DPP10: variants seen among roughly 807,000 people sequenced by gnomAD.
DPP10 encodes inactive dipeptidyl peptidase 10.
In DPP10, 33 loss-of-function variants were observed where a neutral mutation model predicts 120.9. That is an observed-to-expected ratio of 0.27 (90% CI 0.21 to 0.37). The LOEUF is 0.37. DPP10 is among the 10% of genes least tolerant of loss of function. The probability of loss-of-function intolerance (pLI) is 1.00; values close to 1 mark genes in which losing one functional copy is unlikely to be tolerated. For missense variants in DPP10, 816 were observed against 942.8 expected (o/e 0.87, Z 1.76); for synonymous variants, 337 against 326.1 (o/e 1.03, Z -0.36).
In DPP10 at chr2:115,725,734, G is replaced by A. The variant is rs13420772; in HGVS notation, c.577-2082G>A. Among the ~76,000 whole-genome samples the A allele has an allele frequency of 1.9e-3, 284 of 152,198 alleles. 1 individual carries two copies. Among genetic ancestry groups the A allele is most frequent in the African/African-American group, 6.2e-3 (257 of 41,538 alleles). On this transcript the variant is annotated intron_variant, in intron 7 of 25. Transcript: ENST00000410059. ...AGAGCAATATGTGCTGAGTAGTCCCGGTGTGCATGATCTGTGCTGTTATGA... is the reference window on the plus strand; with the variant it reads ...AGAGCAATATGTGCTGAGTAGTCCCAGTGTGCATGATCTGTGCTGTTATGA...
At chr2:114,914,689 C>A (rs1170790617) in intron 1 of DPP10, among the ~76,000 whole-genome samples, 1 of 152,166 alleles carries the variant, frequency 6.6e-6, no homozygotes, top group Non-Finnish European at 1.5e-5. Context: ...GGATCAAATC[C>A]TCACATATCA....
intron 1 of DPP10, among the ~76,000 whole-genome samples, chr2:115,049,499 A>G (rs1705310949): frequency 6.6e-6 from 1 of 152,182 alleles, no homozygotes; most frequent in African/African-American, 2.4e-5. Flanking sequence ...ATAACAATAT[A>G]GTTATGGGAA....
intron 1 of DPP10, among the ~76,000 whole-genome samples, chr2:114,764,261 C>A (rs1161352386): frequency 2.7e-5 from 4 of 145,562 alleles, no homozygotes; most frequent in Non-Finnish European, 6.0e-5. Context: ...CATTTCCTTG[C>A]AACTGCTGGC....
intron 5 of DPP10, among the ~76,000 whole-genome samples, chr2:115,648,052 T>C (rs2087427905): frequency 6.6e-6 from 1 of 152,126 alleles, no homozygotes; most frequent in African/African-American, 2.4e-5. Flanking sequence ...TTAGTTTGCA[T>C]GTCTGAGAGA....
intron 1 of DPP10, among the ~76,000 whole-genome samples, chr2:115,274,571 G>A (rs959507258): frequency 2.6e-5 from 4 of 152,148 alleles, no homozygotes; most frequent in Non-Finnish European, 4.4e-5. Context: ...CACAGCGGAG[G>A]CTTTGATTAA....
At chr2:115,112,846 C>G (rs900906294) in intron 1 of DPP10, among the ~76,000 whole-genome samples, 1 of 152,158 alleles carries the variant, frequency 6.6e-6, no homozygotes, top group Non-Finnish European at 1.5e-5. Flanking sequence ...TTTATGAATA[C>G]AAGTGCTTGC....
chr2:115,196,724 G>A (rs2055301277), intron 1 of DPP10, among the ~76,000 whole-genome samples: 1 of 152,120 alleles, frequency 6.6e-6, no homozygotes, highest in Admixed American at 6.5e-5. Flanking sequence ...TTCTTTTGGA[G>A]ATTGTTAAGG....
intron 1 of DPP10, among the ~76,000 whole-genome samples, chr2:114,869,052 A>C (rs1298985308): frequency 1.1e-4 from 16 of 152,176 alleles, no homozygotes; most frequent in Non-Finnish European, 1.5e-5. Context: ...GAAAGTTGCT[A>C]TTTATTGGAT....
intron 5 of DPP10, among the ~76,000 whole-genome samples, chr2:115,528,035 C>T (rs2078236897): frequency 6.6e-6 from 1 of 152,072 alleles, no homozygotes; most frequent in African/African-American, 2.4e-5. Context: ...CATATGTGTG[C>T]ATGTGTCTTT....
intron 1 of DPP10, among the ~76,000 whole-genome samples, chr2:114,661,673 C>T (rs1255154203): frequency 6.6e-6 from 1 of 152,130 alleles, no homozygotes; most frequent in East Asian, 1.9e-4. Flanking sequence ...TATTCTGCTG[C>T]CCCAATCTTT....
chr2:114,805,359 C>T (rs943374621), intron 1 of DPP10, among the ~76,000 whole-genome samples: 1 of 152,166 alleles, frequency 6.6e-6, no homozygotes, highest in African/African-American at 2.4e-5. Flanking sequence ...TTTGGACACA[C>T]GAGTGCTCTT....
At chr2:115,839,740 G>A (rs537344311) in intron 24 of DPP10, among the ~76,000 whole-genome samples, 1 of 151,346 alleles carries the variant, frequency 6.6e-6, no homozygotes, top group South Asian at 2.1e-4. Context: ...CAAACTACAG[G>A]AATGAACACC....
At chr2:114,556,279 T>C (rs1688309931) in intron 1 of DPP10, among the ~76,000 whole-genome samples, 1 of 106,822 alleles carries the variant, frequency 9.4e-6, no homozygotes, top group Admixed American at 1.1e-4. Context: ...AGGCAAATAA[T>C]AGATGATAGA....
At chr2:114,646,748 G>T (rs1696168733) in intron 1 of DPP10, among the ~76,000 whole-genome samples, 1 of 152,142 alleles carries the variant, frequency 6.6e-6, no homozygotes, top group African/African-American at 2.4e-5. Flanking sequence ...AATGAGTCTG[G>T]TTGTTCTCTC....
chr2:114,801,859 T>A (rs1000919872), intron 1 of DPP10, among the ~76,000 whole-genome samples: 1 of 152,236 alleles, frequency 6.6e-6, no homozygotes, highest in East Asian at 1.9e-4. Flanking sequence ...TACATGAAAC[T>A]GCTTGTTGCA....
chr2:114,703,136 A>G (rs1574001624), intron 1 of DPP10, among the ~76,000 whole-genome samples: 1 of 152,278 alleles, frequency 6.6e-6, no homozygotes, highest in East Asian at 1.9e-4. Flanking sequence ...TCACTTTCAA[A>G]AAATTCTATA....
intron 3 of DPP10, among the ~76,000 whole-genome samples, chr2:115,460,508 T>C (rs1274490899): frequency 6.6e-6 from 1 of 152,152 alleles, no homozygotes; most frequent in Non-Finnish European, 1.5e-5. Flanking sequence ...TGCTTAACAG[T>C]CTAAAGTTAA....
At chr2:115,834,958 C>T (rs111370779) in intron 21 of DPP10, among the ~76,000 whole-genome samples, 30 of 152,040 alleles carry the variant, frequency 2.0e-4, no homozygotes, top group Admixed American at 7.9e-4. Context: ...TGGTGGCGGG[C>T]GCCTGTGGTC....
intron 1 of DPP10, among the ~76,000 whole-genome samples, chr2:114,979,288 A>C (rs1699942995): frequency 6.6e-6 from 1 of 151,984 alleles, no homozygotes; most frequent in African/African-American, 2.4e-5. Context: ...ATTTAATTAA[A>C]ATAAATTTAA....
Sources: gnomAD v4.1 joint callset for allele counts (sites outside exome capture counted in the v4.1 genomes callset) on GRCh38, gnomAD v4.1.1 for gene constraint, MANE v1.5 for transcripts, NCBI Gene and HGNC (gene_info 2026-07-23, HGNC 2026-07-21) for gene names.